ANK3: variants seen among roughly 807,000 people sequenced by gnomAD.
ANK3 encodes ankyrin 3.
A neutral mutation model predicts 370.9 loss-of-function variants in ANK3; 57 were observed. The observed-to-expected ratio is 0.15, with a 90% CI of 0.12 to 0.19. The LOEUF (loss-of-function observed/expected upper bound fraction) is 0.19. ANK3 is among the 10% of genes least tolerant of loss of function. ANK3 has a pLI of 1.00. For synonymous variants in ANK3, 1,929 were observed against 1,946.3 expected (o/e 0.99, Z 0.23); for missense variants, 4,439 against 5,302.1 (o/e 0.84, Z 5.06).
intron 2 of ANK3, among the ~76,000 whole-genome samples, chr10:60,568,536 C>A (rs2077516062): frequency 6.6e-6 from 1 of 152,188 alleles, no homozygotes; most frequent in African/African-American, 2.4e-5. Context: ...TGGAACCAAG[C>A]CTACCATATC....
intron 1 of ANK3, among the ~76,000 whole-genome samples, chr10:60,282,449 T>C (rs12781705): frequency 0.25 from 37,931 of 151,996 alleles, 4,922 homozygotes; most frequent in South Asian, 0.3. Flanking sequence ...CTATTTGGGA[T>C]CTGGATTCTT....
chr10:60,080,179 T>C (rs2084844863), intron 36 of ANK3, among the ~76,000 whole-genome samples: 1 of 152,206 alleles, frequency 6.6e-6, no homozygotes, highest in African/African-American at 2.4e-5. Context: ...TTTTCTACCA[T>C]TCCAAATATT....
intron 1 of ANK3, among the ~76,000 whole-genome samples, chr10:60,667,406 C>T (rs1028441525): frequency 6.6e-6 from 1 of 151,748 alleles, no homozygotes; most frequent in Non-Finnish European, 1.5e-5. Flanking sequence ...GTGTTATAGA[C>T]ATTGAAATAA....
At chr10:60,424,604 T>A (rs924764612) in intron 2 of ANK3, among the ~76,000 whole-genome samples, 1 of 152,074 alleles carries the variant, frequency 6.6e-6, no homozygotes, top group African/African-American at 2.4e-5. Flanking sequence ...AATTCCACCC[T>A]TACGATTTTC....
chr10:60,687,745 G>A (rs1427154563), intron 1 of ANK3, among the ~76,000 whole-genome samples: 1 of 152,184 alleles, frequency 6.6e-6, no homozygotes, highest in African/African-American at 2.4e-5. Context: ...TCAGGATCTT[G>A]AAGAGATATT....
At chr10:60,435,496 C>T (rs1024983736) in intron 2 of ANK3, among the ~76,000 whole-genome samples, 2 of 151,966 alleles carry the variant, frequency 1.3e-5, no homozygotes, top group Non-Finnish European at 2.9e-5. Flanking sequence ...ATCTTTTTTC[C>T]TTAAGATGAA....
chr10:60,603,898 C>T (rs1344956275), intron 2 of ANK3, among the ~76,000 whole-genome samples: 1 of 152,108 alleles, frequency 6.6e-6, no homozygotes, highest in Non-Finnish European at 1.5e-5. Context: ...CAGTCTCACT[C>T]AATACACATC....
chr10:60,519,658 G>T (rs2076303918), intron 2 of ANK3, among the ~76,000 whole-genome samples: 1 of 152,084 alleles, frequency 6.6e-6, no homozygotes, highest in Non-Finnish European at 1.5e-5. Context: ...TTTCAAATAA[G>T]TCAACAAATG....
chr10:60,511,571 A>G (rs1476893286), intron 2 of ANK3, among the ~76,000 whole-genome samples: 1 of 152,148 alleles, frequency 6.6e-6, no homozygotes, highest in Non-Finnish European at 1.5e-5. Flanking sequence ...TAAAAGGATT[A>G]TTTTATGCAA....
At chr10:60,383,553 G>T (rs1447843504) in intron 1 of ANK3, among the ~76,000 whole-genome samples, 1 of 152,118 alleles carries the variant, frequency 6.6e-6, no homozygotes, top group Non-Finnish European at 1.5e-5. Context: ...GCAAGCCCCA[G>T]TTTGGTTGTA....
intron 1 of ANK3, among the ~76,000 whole-genome samples, chr10:60,374,084 T>C (rs2060459599): frequency 6.6e-6 from 1 of 151,970 alleles, no homozygotes; most frequent in African/African-American, 2.4e-5. Context: ...GCTCCTTGTA[T>C]GCCTTGTGCT....
chr10:60,337,042 C>G (rs2053158162), intron 1 of ANK3, among the ~76,000 whole-genome samples: 1 of 150,376 alleles, frequency 6.6e-6, no homozygotes, highest in Non-Finnish European at 1.5e-5. Flanking sequence ...AAAAAACAAA[C>G]AGTGGAAGAT....
intron 1 of ANK3, among the ~76,000 whole-genome samples, chr10:60,620,243 A>C (rs144137796): frequency 2.0e-5 from 3 of 152,312 alleles, no homozygotes; most frequent in Non-Finnish European, 4.4e-5. Context: ...ATAAAAAAGA[A>C]TTATTCTATC....
intron 40 of ANK3, 135 bp downstream of exon 40, chr10:60,062,976 C>G (rs1315786012): frequency 1.2e-5 from 10 of 852,582 alleles, no homozygotes; most frequent in Non-Finnish European, 1.7e-5. Flanking sequence ...TGTTTATTTG[C>G]AGACTCTGGC....
chr10:60,240,544 T>G (rs923402868), intron 7 of ANK3, among the ~76,000 whole-genome samples: 1 of 151,840 alleles, frequency 6.6e-6, no homozygotes, highest in African/African-American at 2.4e-5. Flanking sequence ...CCTCAGGTGA[T>G]CCACCTGCCT....
chr10:60,579,595 C>T lies in ANK3; in HGVS notation c.96+35591G>A, dbSNP rs115708358. Among the ~76,000 whole-genome samples the T allele has an allele frequency of 4.5e-3, 687 of 152,094 alleles. 7 individuals are homozygous for T. The highest frequency in any genetic ancestry group is 0.016 in the African/African-American group (649 of 41,500). Reference sequence around the variant, plus strand: ...ACCAGGTTCTAGCCAATGATATTTTCATCATGTCATTATTAACCCTCAGAG... The same window carrying T: ...ACCAGGTTCTAGCCAATGATATTTTTATCATGTCATTATTAACCCTCAGAG... On this transcript the variant is annotated intron_variant, in intron 2 of 43. Transcript: ENST00000373827.
Position 60,082,171 on chromosome 10 carries a change from T to C in ANK3, c.4329A>G (p.Thr1443=). ...NITLPAHKKE[T]ESDQDDEIEK... ...TTACCTCATCATCTTGATCTGACTC[T>C]GTCTCCTTTTGGTTCCAAGATGCAT... is the stretch of plus-strand genomic sequence containing the variant. The change falls in exon 35 of 44, where the codon ACA becomes ACG. Residue 1443 remains threonine (T), a synonymous_variant. Coordinates refer to ENST00000280772, the MANE Select transcript of ANK3 (RefSeq NM_020987.5). The C allele has an allele frequency of 6.2e-7, 1 of 1,610,402 alleles. No homozygotes were observed. Among genetic ancestry groups the C allele is most frequent in the East Asian group, 2.2e-5 (1 of 44,758 alleles).
At chr10:60,085,281 C>T (rs1316299645) in intron 30 of ANK3, 28 bp from the exon 31 acceptor site, 10 of 1,551,784 alleles carry the variant, frequency 6.4e-6, no homozygotes, top group Middle Eastern at 1.7e-4. Context: ...GATATGTTGA[C>T]TTTATCATGG....
intron 2 of ANK3, among the ~76,000 whole-genome samples, chr10:60,594,606 TAC>T (rs149268310): frequency 1.3e-5 from 2 of 151,598 alleles, no homozygotes; most frequent in Admixed American, 6.6e-5. Flanking sequence ...TGCCTATTTT[TAC>T]ACACACACAC....
Sources: allele counts gnomAD v4.1 joint callset (sites outside exome capture counted in the v4.1 genomes callset), GRCh38; gene constraint gnomAD v4.1.1; transcripts MANE v1.5; gene names NCBI Gene and HGNC (gene_info 2026-07-23, HGNC 2026-07-21).